BABAM2: variants seen among roughly 807,000 people sequenced by gnomAD.
BABAM2 encodes BRISC and BRCA1 A complex member 2.
In BABAM2, 31 loss-of-function variants were observed where a neutral mutation model predicts 54.7. The ratio of observed to expected loss-of-function variants is 0.57; its 90% CI spans 0.43 to 0.77. BABAM2 has a LOEUF of 0.77. Among genes scored for constraint, BABAM2 ranks in the 30% least tolerant of loss-of-function variants. The pLI is 0.00. For synonymous variants in BABAM2, 167 were observed against 162.9 expected (o/e 1.03, Z -0.19); for missense variants, 364 against 455.8 (o/e 0.80, Z 1.83).
intron 5 of BABAM2, among the ~76,000 whole-genome samples, chr2:28,026,833 A>ATAAATATATATTT (rs1675749371): frequency 5.2e-5 from 2 of 38,196 alleles, no homozygotes; most frequent in African/African-American, 2.3e-4. Context: ...TATATATATA[A>ATAAATATATATTT]ATATATATAA....
intron 7 of BABAM2, among the ~76,000 whole-genome samples, chr2:28,173,941 G>T (rs1192797719): frequency 6.6e-6 from 1 of 152,000 alleles, no homozygotes; most frequent in Admixed American, 6.6e-5. Flanking sequence ...GATTTATAAG[G>T]GTTGACAGAA....
At chr2:28,129,439 T>G in intron 7 of BABAM2, 59 bp downstream of exon 7, 1 of 1,397,800 alleles carries the variant, frequency 7.2e-7, no homozygotes, top group Non-Finnish European at 1.0e-6. Flanking sequence ...ATATGTCTCA[T>G]TCTTTCTTTT....
At position 27,971,609 on chromosome 2, in the gene BABAM2, T is replaced by A. The variant is rs1671228123; in HGVS notation, c.206-16384T>A. On this transcript the variant is annotated intron_variant, in intron 3 of 11. Transcript: ENST00000379624. The stretch of plus-strand genomic sequence containing the variant: ...AAAAATAAATGTAAATACATAGTGT[T>A]CTAGGAGCTACACCTAAATCAAGGG... Among the ~76,000 whole-genome samples the A allele has an allele frequency of 2.0e-5, 3 of 151,978 alleles. No individual in the cohort carries two copies. In the South Asian group the frequency reaches 6.2e-4, roughly 31 times the overall value.
At chr2:28,017,422 A>G (rs1674914067) in intron 4 of BABAM2, among the ~76,000 whole-genome samples, 1 of 152,218 alleles carries the variant, frequency 6.6e-6, no homozygotes. Flanking sequence ...TAATTTATTC[A>G]TGATTATAGA....
chr2:28,144,470 A>AGAATC (rs1671326526), intron 7 of BABAM2, among the ~76,000 whole-genome samples: 2 of 152,210 alleles, frequency 1.3e-5, no homozygotes, highest in Non-Finnish European at 2.9e-5. Context: ...TTCAAACTTG[A>AGAATC]GAATCTCATG....
At position 28,025,604 on chromosome 2, in the gene BABAM2, G is replaced by T. The variant is rs536552056; in HGVS notation, c.495+184G>T. 8 of 546,882 alleles carry T rather than the reference G, an allele frequency of 1.5e-5. No homozygotes were observed. The South Asian group carries it at 3.4e-4, about 23-fold the overall frequency. 33.9% of individuals were successfully genotyped at this position (546,882 alleles called of 1,614,324 possible). On this transcript the variant is annotated intron_variant, in intron 5 of 11. Coordinates refer to ENST00000379624, the MANE Select transcript of BABAM2 (RefSeq NM_199191.3). ...TGTCTAGTTCATTGTGTTTCTCAAA[G>T]ATATTACCTGGGAAGTTTGTAAGAT...
At chr2:28,199,309 G>A (rs1677992210) in intron 7 of BABAM2, among the ~76,000 whole-genome samples, 1 of 152,196 alleles carries the variant, frequency 6.6e-6, no homozygotes. Context: ...TGTTTTATGT[G>A]CATATTCTTG....
At chr2:28,160,223 C>T (rs1672933019) in intron 7 of BABAM2, among the ~76,000 whole-genome samples, 1 of 152,228 alleles carries the variant, frequency 6.6e-6, no homozygotes. Context: ...CTCAGGGGAT[C>T]CTCCCACCTC....
At chr2:27,892,595 A>G (rs1664952321) in intron 1 of BABAM2, 1 of 152,216 alleles carries the variant, frequency 6.6e-6, no homozygotes, top group Non-Finnish European at 1.5e-5. Context: ...TATGATGTGG[A>G]TTAGTATACT....
intron 11 of BABAM2, among the ~76,000 whole-genome samples, chr2:28,332,759 G>A (rs1455032911): frequency 1.3e-5 from 2 of 152,198 alleles, no homozygotes; most frequent in African/African-American, 4.8e-5. Context: ...TGGTAGGTTT[G>A]GGGGCAGAAG....
chr2:27,932,801 A>G (rs1668192023), intron 3 of BABAM2, among the ~76,000 whole-genome samples: 1 of 152,188 alleles, frequency 6.6e-6, no homozygotes, highest in African/African-American at 2.4e-5. Flanking sequence ...CTTCCTCCTC[A>G]TCAGTAGCCT....
chr2:28,055,426 A>G (rs892766610), intron 6 of BABAM2, among the ~76,000 whole-genome samples: 3 of 152,206 alleles, frequency 2.0e-5, no homozygotes, highest in African/African-American at 7.2e-5. Context: ...AAAGTTAAAA[A>G]AAAGAAAAAA....
chr2:27,972,955 A>T (rs1463818556), intron 3 of BABAM2, among the ~76,000 whole-genome samples: 3 of 151,630 alleles, frequency 2.0e-5, no homozygotes, highest in South Asian at 2.1e-4. Context: ...TTTAGTAGAG[A>T]TGGGATTTCA....
At chr2:28,094,386 A>G (rs939189415) in intron 6 of BABAM2, among the ~76,000 whole-genome samples, 6 of 152,166 alleles carry the variant, frequency 3.9e-5, no homozygotes, top group Non-Finnish European at 8.8e-5. Flanking sequence ...ATAGATGGCA[A>G]TGATTGAGTT....
intron 3 of BABAM2, 130 bp from the exon 4 acceptor site, chr2:27,987,863 T>G: frequency 1.4e-6 from 1 of 725,788 alleles, no homozygotes; most frequent in South Asian, 1.9e-5. Flanking sequence ...ATTAATCATC[T>G]GGAAAGTGCT....
intron 7 of BABAM2, among the ~76,000 whole-genome samples, chr2:28,196,610 A>C (rs752430405): frequency 3.9e-5 from 6 of 152,158 alleles, no homozygotes; most frequent in African/African-American, 7.2e-5. Context: ...TGGGAGGCTG[A>C]GACAGAAGAA....
intron 6 of BABAM2, among the ~76,000 whole-genome samples, chr2:28,050,268 C>T (rs571847549): frequency 6.6e-6 from 1 of 152,318 alleles, no homozygotes; most frequent in African/African-American, 2.4e-5. Flanking sequence ...AAACACTGTG[C>T]AAGAACACTT....
intron 7 of BABAM2, among the ~76,000 whole-genome samples, chr2:28,172,780 G>A (rs1382703067): frequency 6.6e-6 from 1 of 152,114 alleles, no homozygotes; most frequent in East Asian, 1.9e-4. Context: ...ATGCTTTCCG[G>A]GAGTTTACAA....
chr2:28,215,131 G>A (rs1679817372), intron 7 of BABAM2, among the ~76,000 whole-genome samples: 1 of 152,098 alleles, frequency 6.6e-6, no homozygotes, highest in South Asian at 2.1e-4. Flanking sequence ...CCAATATATA[G>A]ATTCATGTAA....
Sources: allele counts gnomAD v4.1 joint callset (sites outside exome capture counted in the v4.1 genomes callset), GRCh38; gene constraint gnomAD v4.1.1; transcripts MANE v1.5; gene names NCBI Gene and HGNC (gene_info 2026-07-23, HGNC 2026-07-21).